SLC9A7: variants seen among roughly 807,000 people sequenced by gnomAD.
SLC9A7 encodes the protein solute carrier family 9 member A7.
Under a neutral mutation model 52.6 loss-of-function variants are expected in SLC9A7, and 19 were observed. That is an observed-to-expected ratio of 0.36 (90% CI 0.25 to 0.53). SLC9A7 has a LOEUF of 0.53. Among genes scored for constraint, SLC9A7 ranks in the 20% least tolerant of loss-of-function variants. The pLI is 0.91. For synonymous variants in SLC9A7, 226 were observed against 252.1 expected (o/e 0.90, Z 0.98); for missense variants, 455 against 597.9 (o/e 0.76, Z 2.49).
At chrX:46,722,706 T>C (rs1944878954) in intron 1 of SLC9A7, among the ~76,000 whole-genome samples, 1 of 112,371 alleles carries the variant, frequency 8.9e-6, no homozygotes, top group Non-Finnish European at 1.9e-5. Context: ...ATTTCTTCTC[T>C]GTGCCTACAG....
intron 7 of SLC9A7, among the ~76,000 whole-genome samples, chrX:46,656,522 C>T (rs1943696462): frequency 9.0e-6 from 1 of 111,502 alleles, no homozygotes; most frequent in Admixed American, 9.5e-5. Flanking sequence ...CAGAGAAGTG[C>T]TTAAAGGAAC....
chrX:46,609,989 T>C (rs1942821271), intron 16 of SLC9A7, among the ~76,000 whole-genome samples: 2 of 111,698 alleles, frequency 1.8e-5, no homozygotes, highest in African/African-American at 6.5e-5. Flanking sequence ...GATGATACCA[T>C]TGCACTGCAG....
intron 1 of SLC9A7, among the ~76,000 whole-genome samples, chrX:46,718,242 A>G (rs1260291768): frequency 8.9e-6 from 1 of 111,953 alleles, no homozygotes; most frequent in African/African-American, 3.3e-5. Context: ...CTGGCTAGCC[A>G]TATGTAGAAA....
Position 46,635,574 on chromosome X carries a change from A to G in SLC9A7, c.1676+15T>C. On this transcript the variant is annotated intron_variant, in intron 13 of 16. Transcript: ENST00000616978. ...CAGGCCCAGTTAATTTTTTCTGAGG[A>G]TGCCCTTGTGTCACCTGAAGTACTG... 8.4e-7 allele frequency: 1 copy of G among 1,195,732 alleles called. No individual in the cohort carries two copies. Among genetic ancestry groups the G allele is most frequent in the Non-Finnish European group, 1.1e-6 (1 of 881,953 alleles).
intron 14 of SLC9A7, among the ~76,000 whole-genome samples, chrX:46,623,867 T>A (rs370835966): frequency 7.2e-4 from 81 of 112,062 alleles, no homozygotes; most frequent in African/African-American, 2.6e-3. Context: ...CACCTGAATT[T>A]ATGCTAATAA....
intron 16 of SLC9A7, 52 bp from the exon 17 acceptor site, chrX:46,607,255 AG>A: frequency 8.5e-7 from 1 of 1,170,023 alleles, no homozygotes; most frequent in African/African-American, 1.8e-5. Context: ...GATATCTTCC[AG>A]GTTTGGCACC....
Position 46,606,842 on chromosome X carries a change from G to A in SLC9A7, c.*110C>T. The A allele has an allele frequency of 8.6e-7, 1 of 1,162,316 alleles. No homozygotes were observed. Among genetic ancestry groups the A allele is most frequent in the Non-Finnish European group, 1.1e-6 (1 of 870,441 alleles). On this transcript the variant is annotated 3_prime_UTR_variant, in exon 17 of 17. Transcript: ENST00000616978. The stretch of plus-strand genomic sequence containing the variant: ...AATAGCTTCAGACCCCAATAAAATA[G>A]AAGAGTTAGTTCAATCTAGTCACTG...
At chrX:46,712,601 C>T (rs747380479) in intron 1 of SLC9A7, among the ~76,000 whole-genome samples, 40 of 111,987 alleles carry the variant, frequency 3.6e-4, no homozygotes, top group Non-Finnish European at 6.4e-4. Context: ...ATCAGTTACT[C>T]ACGTTGAAAC....
intron 1 of SLC9A7, among the ~76,000 whole-genome samples, chrX:46,723,257 T>C (rs1222890662): frequency 1.1e-5 from 1 of 88,851 alleles, no homozygotes; most frequent in Non-Finnish European, 2.1e-5. Flanking sequence ...CTAATGTGTC[T>C]GGGTGGGGCA....
In SLC9A7 at chrX:46,631,677, G is replaced by C. The variant is rs778180422; in HGVS notation, c.1677-28C>G. 1.2e-5 allele frequency: 14 copies of C among 1,136,732 alleles called. No individual in the cohort carries two copies. In the African/African-American group the frequency reaches 2.3e-4, roughly 19 times the overall value. The allele number at this position is 1,136,732 out of a possible 1,213,427, so 93.7% of individuals were successfully genotyped here. ...GAAAGTCACCAGGGAGAAAGACAAA[G>C]AGAAAAACAGAGCGTATTAGCTTGG... On this transcript the variant is annotated intron_variant, in intron 13 of 16. Coordinates refer to ENST00000616978, the MANE Select transcript of SLC9A7 (RefSeq NM_001257291.2).
intron 8 of SLC9A7, among the ~76,000 whole-genome samples, chrX:46,653,327 C>T (rs1943614008): frequency 9.0e-6 from 1 of 111,308 alleles, no homozygotes; most frequent in South Asian, 3.8e-4. Context: ...CCTAGGAGTT[C>T]GAGGTTACAG....
chrX:46,630,044 A>G (rs188977394), intron 14 of SLC9A7, among the ~76,000 whole-genome samples: 1 of 111,683 alleles, frequency 9.0e-6, no homozygotes, highest in African/African-American at 3.3e-5. Flanking sequence ...TCTCCAATGA[A>G]GCTTATTGAA....
chrX:46,699,290 T>C (rs1944493718), intron 1 of SLC9A7, among the ~76,000 whole-genome samples: 1 of 112,040 alleles, frequency 8.9e-6, no homozygotes, highest in Admixed American at 9.5e-5. Context: ...ATGAAGCTCT[T>C]GGGTGAGACA....
In SLC9A7 at chrX:46,673,011, C is replaced by T. The variant is rs1389111379; in HGVS notation, c.604-384G>A. 5.4e-5 allele frequency among the ~76,000 whole-genome samples: 6 copies of T among 111,967 alleles called. No homozygotes were observed. In the East Asian group the frequency reaches 1.7e-3, roughly 31 times the overall value. ...CACGTCACTTCCAGTTCTGGTGGTA[C>T]CTCAGAAGATCATCACAGATAGAAG... On this transcript the variant is annotated intron_variant, in intron 3 of 16. Coordinates refer to ENST00000616978, the MANE Select transcript of SLC9A7 (RefSeq NM_001257291.2).
At chrX:46,668,851 T>C (rs925165976) in intron 5 of SLC9A7, among the ~76,000 whole-genome samples, 2 of 111,405 alleles carry the variant, frequency 1.8e-5, no homozygotes, top group African/African-American at 6.5e-5. Context: ...TATACTTAAC[T>C]CTACTGAACT....
chrX:46,636,774 G>A (rs930158200), intron 12 of SLC9A7, among the ~76,000 whole-genome samples: 1 of 111,506 alleles, frequency 9.0e-6, no homozygotes, highest in African/African-American at 3.3e-5. Context: ...GTTTTTAAAG[G>A]CTCCTCAGCA....
intron 7 of SLC9A7, among the ~76,000 whole-genome samples, chrX:46,661,273 G>A (rs1339227303): frequency 1.8e-5 from 2 of 108,511 alleles, no homozygotes; most frequent in African/African-American, 6.7e-5. Context: ...CCTAATGCTA[G>A]ATGACGAGTT....
chrX:46,655,377 C>T (rs912290615), intron 7 of SLC9A7, among the ~76,000 whole-genome samples: 1 of 111,943 alleles, frequency 8.9e-6, no homozygotes, highest in Non-Finnish European at 1.9e-5. Context: ...GCCAAGATGG[C>T]CGTATAGGAA....
At chrX:46,609,648 C>A (rs1942813031) in intron 16 of SLC9A7, among the ~76,000 whole-genome samples, 1 of 110,093 alleles carries the variant, frequency 9.1e-6, no homozygotes, top group Admixed American at 9.7e-5. Flanking sequence ...TGCAGCAAGC[C>A]AAGATTGCAC....
Sources: allele counts gnomAD v4.1 joint callset (sites outside exome capture counted in the v4.1 genomes callset), GRCh38; gene constraint gnomAD v4.1.1; transcripts MANE v1.5; gene names NCBI Gene and HGNC (gene_info 2026-07-23, HGNC 2026-07-21).